NLRP14: variants seen among roughly 807,000 people sequenced by gnomAD.
NLRP14 encodes NLR family pyrin domain containing 14, also known as NACHT, LRR and PYD domains-containing protein 14.
In NLRP14, 105 loss-of-function variants were observed where a neutral mutation model predicts 94.7. The observed-to-expected ratio is 1.11, with a 90% CI of 0.95 to 1.30. The LOEUF (loss-of-function observed/expected upper bound fraction) is 1.30. Among genes scored for constraint, NLRP14 ranks in the 50% most tolerant of loss-of-function variants. The probability of loss-of-function intolerance (pLI) is 0.00; values close to 1 mark genes in which losing one functional copy is unlikely to be tolerated. For missense variants in NLRP14, 1,362 were observed against 1,254.1 expected (o/e 1.09, Z -1.30); for synonymous variants, 508 against 459.9 (o/e 1.10, Z -1.34).
chr11:7,052,997 A>G (rs955680241), intron 6 of NLRP14, among the ~76,000 whole-genome samples: 2 of 152,224 alleles, frequency 1.3e-5, no homozygotes, highest in Admixed American at 1.3e-4. Flanking sequence ...ATATATGTAT[A>G]CACAGCTTCA....
intron 5 of NLRP14, among the ~76,000 whole-genome samples, chr11:7,049,087 A>T (rs1852402032): frequency 6.6e-6 from 1 of 152,154 alleles, no homozygotes; most frequent in Non-Finnish European, 1.5e-5. Flanking sequence ...CAGTGAACAG[A>T]AGGGCATTGG....
intron 1 of NLRP14, among the ~76,000 whole-genome samples, chr11:7,033,498 G>A (rs1327679579): frequency 6.6e-6 from 1 of 151,998 alleles, no homozygotes; most frequent in Non-Finnish European, 1.5e-5. Flanking sequence ...TTCTATTCCT[G>A]AATATTACAT....
chr11:7,043,743 T>C lies in NLRP14; in HGVS notation c.1717T>C (p.Ser573Pro). The C allele has an allele frequency of 6.2e-7, 1 of 1,614,186 alleles. No individual in the cohort carries two copies. Among genetic ancestry groups the C allele is most frequent in the Non-Finnish European group, 8.5e-7 (1 of 1,180,014 alleles). ...GGAAGTATTAGGAAACAGTGACTAT[T>C]CTCCATCACAGCTGGGATTTCTGGA... ...CMEVLGNSDY[S>P]PSQLGFLELF... Residue 573 changes from serine to proline, a missense_variant, in exon 4 of 12, where the codon TCT becomes CCT. Transcript: ENST00000299481.
chr11:7,043,953 A>C lies in NLRP14; in HGVS notation c.1927A>C (p.Ile643Leu), dbSNP rs571160657. The change falls in exon 4 of 12, where the codon ATA (isoleucine) becomes CTA (leucine). Residue 643 changes from isoleucine (I) to leucine (L), a missense_variant. Ile to Leu is a conservative substitution (Grantham distance 5). Transcript: ENST00000299481. Reference sequence around the variant, plus strand: ...TGTAACTGTGGTATTTGAGAAGAAGATATTAAAAACAAGCCTCCCAACTAA... The same window carrying C: ...TGTAACTGTGGTATTTGAGAAGAAGCTATTAAAAACAAGCCTCCCAACTAA... ...LSVTVVFEKK[I>L]LKTSLPTNTW... 36 of 1,614,190 alleles carry C rather than the reference A, an allele frequency of 2.2e-5. 1 individual carries two copies. The South Asian group carries it at 3.8e-4, about 17-fold the overall frequency.
intron 8 of NLRP14, among the ~76,000 whole-genome samples, chr11:7,058,675 T>C (rs1457193703): frequency 6.6e-6 from 1 of 151,948 alleles, no homozygotes; most frequent in Non-Finnish European, 1.5e-5. Flanking sequence ...TGGTGTCAAA[T>C]TGACCACCCA....
chr11:7,051,434 T>G (rs1391289822), intron 6 of NLRP14, among the ~76,000 whole-genome samples: 1 of 152,228 alleles, frequency 6.6e-6, no homozygotes, highest in Non-Finnish European at 1.5e-5. Flanking sequence ...GATGTTATAC[T>G]CTCTCTGTAG....
the NLRP14 span, among the ~76,000 whole-genome samples, chr11:7,078,980 T>C: frequency 6.6e-6 from 1 of 152,174 alleles, no homozygotes; most frequent in Non-Finnish European, 1.5e-5. Flanking sequence ...GGCACTTCGT[T>C]CTGCTGCAGG....
At chr11:7,040,262 C>T (rs906556903) in intron 3 of NLRP14, among the ~76,000 whole-genome samples, 5 of 152,134 alleles carry the variant, frequency 3.3e-5, no homozygotes, top group Admixed American at 1.3e-4. Context: ...GGCGGCCCCT[C>T]GGGAATCAGG....
intron 5 of NLRP14, among the ~76,000 whole-genome samples, chr11:7,048,807 A>G (rs1467087155): frequency 6.6e-6 from 1 of 152,164 alleles, no homozygotes. Flanking sequence ...GGGTTGCATC[A>G]GTGGGATGAC....
At chr11:7,045,004 T>C (rs1316737146) in intron 4 of NLRP14, among the ~76,000 whole-genome samples, 3 of 152,204 alleles carry the variant, frequency 2.0e-5, no homozygotes, top group African/African-American at 7.2e-5. Context: ...TAGGACAAAA[T>C]TGTGATACCA....
At chr11:7,064,873 G>T (rs1008794453) in intron 10 of NLRP14, among the ~76,000 whole-genome samples, 1 of 151,596 alleles carries the variant, frequency 6.6e-6, no homozygotes, top group Non-Finnish European at 1.5e-5. Context: ...CTGCTTGGTA[G>T]GGACATCTTT....
At chr11:7,038,497 T>G in intron 1 of NLRP14, 69 bp from the exon 2 acceptor site, 1 of 1,304,622 alleles carries the variant, frequency 7.7e-7, no homozygotes, top group Non-Finnish European at 1.1e-6. Flanking sequence ...GTATTTCATT[T>G]TCAAATCTGT....
intron 10 of NLRP14, among the ~76,000 whole-genome samples, chr11:7,065,518 C>T (rs1852691227): frequency 6.6e-6 from 1 of 151,900 alleles, no homozygotes; most frequent in African/African-American, 2.4e-5. Context: ...TTTTCCTTTT[C>T]TGTTCTTATA....
intron 3 of NLRP14, among the ~76,000 whole-genome samples, chr11:7,041,401 T>A (rs1852246648): frequency 6.6e-6 from 1 of 152,138 alleles, no homozygotes; most frequent in Admixed American, 6.5e-5. Context: ...ATGGTACATG[T>A]TTTCAGATAC....
At chr11:7,090,213 T>TA in the NLRP14 span, 3 of 1,612,394 alleles carry the variant, frequency 1.9e-6, no homozygotes, top group East Asian at 4.5e-5. Flanking sequence ...GCGTGATTCT[T>TA]ACAGCCGGTC....
intron 1 of NLRP14, among the ~76,000 whole-genome samples, chr11:7,037,285 A>G (rs566310979): frequency 6.6e-6 from 1 of 152,362 alleles, no homozygotes; most frequent in South Asian, 2.1e-4. Context: ...AACAACCTTA[A>G]AACAGCTGAT....
rs555707191 is a variant in NLRP14, at chr11:7,026,908, G to A, written c.-22+6138G>A. Among the ~76,000 whole-genome samples, 308 of 151,706 alleles carry A rather than the reference G, an allele frequency of 2.0e-3. 3 individuals carry two copies. Among genetic ancestry groups the A allele is most frequent in the African/African-American group, 6.9e-3 (286 of 41,316 alleles). ...GCACACCAGCATGGCACATGTATAC[G>A]TATGTAACTAACCTGCACATTATGC... is the stretch of plus-strand genomic sequence containing the variant. On this transcript the variant is annotated intron_variant, in intron 1 of 11. Coordinates refer to ENST00000299481, the MANE Select transcript of NLRP14 (RefSeq NM_176822.4).
downstream of NLRP14, among the ~76,000 whole-genome samples, chr11:7,072,466 A>G (rs1368726339): frequency 6.6e-6 from 1 of 152,234 alleles, no homozygotes; most frequent in Non-Finnish European, 1.5e-5. Flanking sequence ...ACTTGGAAGA[A>G]ATCAAGCAGG....
intron 1 of NLRP14, among the ~76,000 whole-genome samples, chr11:7,028,752 A>G (rs998294904): frequency 6.6e-6 from 1 of 152,058 alleles, no homozygotes; most frequent in Non-Finnish European, 1.5e-5. Context: ...TCAACTTGCC[A>G]TTCTTGTTTT....
Sources: allele counts gnomAD v4.1 joint callset (sites outside exome capture counted in the v4.1 genomes callset), GRCh38; gene constraint gnomAD v4.1.1; transcripts MANE v1.5; gene names NCBI Gene and HGNC (gene_info 2026-07-23, HGNC 2026-07-21).